Variants in DIXDC1 observed in about 807,000 individuals in gnomAD.
DIXDC1 encodes the protein DIX domain containing 1.
DIXDC1 carries 64 observed loss-of-function variants against 103.1 expected under a neutral mutation model. The ratio of observed to expected loss-of-function variants is 0.62; its 90% CI spans 0.51 to 0.76. DIXDC1 has a LOEUF of 0.76. DIXDC1 is among the 30% of genes least tolerant of loss of function. The pLI is 0.00. For missense variants in DIXDC1, 759 were observed against 834.2 expected, an observed-to-expected ratio of 0.91 and a Z score of 1.11; for synonymous variants, 266 against 298.5, an observed-to-expected ratio of 0.89 and a Z score of 1.12.
chr11:111,988,183 T>C (rs1860563693), intron 9 of DIXDC1, among the ~76,000 whole-genome samples: 1 of 151,806 alleles, frequency 6.6e-6, no homozygotes, highest in African/African-American at 2.4e-5. Context: ...GTTTTTTGTA[T>C]AGATTGCTCT....
intron 16 of DIXDC1, among the ~76,000 whole-genome samples, chr11:111,995,814 A>G (rs1168269086): frequency 6.6e-6 from 1 of 152,158 alleles, no homozygotes; most frequent in East Asian, 1.9e-4. Flanking sequence ...TCTTGACCCC[A>G]CAGGGTCTCC....
At chr11:111,928,480 G>C (rs1437364057) in intron 1 of DIXDC1, 2 of 152,330 alleles carry the variant, frequency 1.3e-5, no homozygotes, top group Non-Finnish European at 2.9e-5. Flanking sequence ...GATAATACTG[G>C]CGAGGCGCGG....
intron 1 of DIXDC1, 127 bp from the exon 2 acceptor site, chr11:111,964,422 A>C (rs1037198878): frequency 3.7e-6 from 4 of 1,073,836 alleles, no homozygotes; most frequent in Non-Finnish European, 5.3e-6. Flanking sequence ...TTTCCTCAAA[A>C]ATTTCTCCTG....
At chr11:111,990,713 T>C (rs2137574685) in intron 10 of DIXDC1, among the ~76,000 whole-genome samples, 1 of 152,242 alleles carries the variant, frequency 6.6e-6, no homozygotes, top group Non-Finnish European at 1.5e-5. Context: ...TTGTGTTGTT[T>C]TGTTTTTTCT....
chr11:112,008,531 T>C (rs1211214140), intron 17 of DIXDC1, among the ~76,000 whole-genome samples: 3 of 152,206 alleles, frequency 2.0e-5, no homozygotes, highest in African/African-American at 4.8e-5. Flanking sequence ...ATCACACTTA[T>C]TCTAAAATTG....
At chr11:111,951,058 C>G (rs782302521) in intron 1 of DIXDC1, among the ~76,000 whole-genome samples, 1 of 151,876 alleles carries the variant, frequency 6.6e-6, no homozygotes, top group Non-Finnish European at 1.5e-5. Flanking sequence ...GGGAGAAATA[C>G]AAATACACAA....
At chr11:112,010,571 C>T (rs1201016639) in intron 17 of DIXDC1, among the ~76,000 whole-genome samples, 4 of 152,184 alleles carry the variant, frequency 2.6e-5, no homozygotes, top group Non-Finnish European at 5.9e-5. Context: ...GCTACAGTAA[C>T]CAAAACAGCA....
chr11:111,994,490 C>T (rs1860814913), intron 14 of DIXDC1, among the ~76,000 whole-genome samples: 1 of 150,892 alleles, frequency 6.6e-6, no homozygotes, highest in Non-Finnish European at 1.5e-5. Context: ...TATATACACA[C>T]ACATATATAC....
chr11:111,955,769 G>T (rs1555170509), intron 1 of DIXDC1, among the ~76,000 whole-genome samples: 1 of 146,546 alleles, frequency 6.8e-6, no homozygotes, highest in East Asian at 2.0e-4. Flanking sequence ...TGGAGGTAGA[G>T]GTTGCAGTGA....
chr11:111,949,758 G>C (rs491535), intron 1 of DIXDC1, among the ~76,000 whole-genome samples: 76,316 of 151,916 alleles, frequency 0.5, 21,508 homozygotes, highest in African/African-American at 0.78. Flanking sequence ...CTCTAAGATA[G>C]TATGTGTCTT....
intron 2 of DIXDC1, among the ~76,000 whole-genome samples, chr11:111,967,898 TGACTC>T (rs1859790107): frequency 6.6e-6 from 1 of 152,240 alleles, no homozygotes; most frequent in Non-Finnish European, 1.5e-5. Context: ...TCCTAGGACT[TGACTC>T]CTTGCTCACT....
At chr11:111,979,247 A>G (rs1389123768) in intron 5 of DIXDC1, among the ~76,000 whole-genome samples, 5 of 152,282 alleles carry the variant, frequency 3.3e-5, no homozygotes, top group East Asian at 1.9e-4. Flanking sequence ...AGGCTGCCTC[A>G]CTGCTTTTGA....
At chr11:112,011,806 A>AG (rs1411492381) in intron 17 of DIXDC1, among the ~76,000 whole-genome samples, 1 of 129,194 alleles carries the variant, frequency 7.7e-6, no homozygotes, top group Non-Finnish European at 1.7e-5. Context: ...CCTGTCGTGG[A>AG]GGGGGGGACG....
Position 111,937,435 on chromosome 11 carries a change from A to T in DIXDC1, c.-65A>T. On this transcript the variant is annotated 5_prime_UTR_variant, in exon 1 of 20. Transcript: ENST00000440460. ...GCCGAGAGCCTTTGTGTGCAGAGGG[A>T]GGAGGAGGAGGCGGCGGCGGCCGCC... 1 of 1,538,036 alleles carries T rather than the reference A, an allele frequency of 6.5e-7. No homozygotes were observed. The highest frequency in any genetic ancestry group is 8.8e-7 in the Non-Finnish European group (1 of 1,141,068).
chr11:111,965,266 T>G (rs1043664016), intron 2 of DIXDC1, among the ~76,000 whole-genome samples: 1 of 152,238 alleles, frequency 6.6e-6, no homozygotes, highest in African/African-American at 2.4e-5. Flanking sequence ...TCCATAGCAT[T>G]TGTCCATATT....
chr11:111,986,118 A>G (rs766071098), intron 8 of DIXDC1, among the ~76,000 whole-genome samples: 119 of 152,248 alleles, frequency 7.8e-4, no homozygotes, highest in Non-Finnish European at 1.1e-3. Flanking sequence ...CAGCCTTCTC[A>G]CTGGTTTTCC....
chr11:112,005,582 T>A (rs587746344), intron 17 of DIXDC1, among the ~76,000 whole-genome samples: 144 of 151,902 alleles, frequency 9.5e-4, no homozygotes, highest in African/African-American at 3.4e-3. Flanking sequence ...CCTGAAGTCC[T>A]AGCTACTTGG....
intron 1 of DIXDC1, among the ~76,000 whole-genome samples, chr11:111,961,001 G>A (rs1024646156): frequency 6.6e-6 from 1 of 152,186 alleles, no homozygotes; most frequent in African/African-American, 2.4e-5. Flanking sequence ...TGACCTTGAC[G>A]TGCAGCCAGG....
In DIXDC1 at chr11:112,017,740, C is replaced by A; in HGVS notation, c.1863-37C>A. 6.5e-7 allele frequency: 1 copy of A among 1,527,876 alleles called. No homozygotes were observed. The highest frequency in any genetic ancestry group is 1.2e-5 in the South Asian group (1 of 85,062). 94.6% of individuals were successfully genotyped at this position (1,527,876 alleles called of 1,614,324 possible). A position where few individuals can be genotyped will look rare whatever the true frequency, so the allele number is the denominator to read the frequency against. On this transcript the variant is annotated intron_variant, in intron 18 of 19. Transcript: ENST00000440460. The surrounding 1 kb of genome is among the most constrained non-coding windows in gnomAD (Gnocchi z 4.0). ...ACATCTTATCTTTCCAGCTATTGAT[C>A]AACAGTCTATTTTAGTGCTCTCTCC...
Sources: gnomAD v4.1 joint callset for allele counts (sites outside exome capture counted in the v4.1 genomes callset) on GRCh38, gnomAD v4.1.1 for gene constraint, Gnocchi (gnomAD v3.1) non-coding constraint, MANE v1.5 for transcripts, NCBI Gene and HGNC (gene_info 2026-07-23, HGNC 2026-07-21) for gene names.